Variants in FBN1 observed in about 807,000 individuals in gnomAD.
The protein encoded by FBN1 is fibrillin-1.
Under a neutral mutation model 365.1 loss-of-function variants are expected in FBN1, and 29 were observed. That is an observed-to-expected ratio of 0.08 (90% confidence interval 0.06 to 0.11). The LOEUF is 0.11. FBN1 is among the 10% of genes least tolerant of loss of function. The pLI is 1.00. For synonymous variants in FBN1, 1,210 were observed against 1,270.5 expected, an observed-to-expected ratio of 0.95 and a Z score of 1.01; for missense variants, 2,476 against 3,703.2, an observed-to-expected ratio of 0.67 and a Z score of 8.60.
chr15:48,542,792 T>TGC (rs1261828627), intron 6 of FBN1, among the ~76,000 whole-genome samples: 1 of 51,300 alleles, frequency 1.9e-5, no homozygotes, highest in Non-Finnish European at 1.1e-4. Context: ...TGTGTGTGTG[T>TGC]GTGTGTGTGT....
intron 25 of FBN1, 128 bp downstream of exon 25, chr15:48,489,723 G>C: frequency 1.3e-5 from 10 of 781,114 alleles, no homozygotes; most frequent in Non-Finnish European, 2.2e-5. Flanking sequence ...TCTAAACAAA[G>C]ATAATTATAT....
rs1890254326 is a variant in FBN1, at chr15:48,644,504, G to A, written c.164+102C>T. On this transcript the variant is annotated intron_variant, in intron 2 of 65. Transcript: ENST00000316623. ...TAGCACCTCTAAGGTGCCCCCAGGA[G>A]GTCTTGCCAAGGAGTCTTCCACAGG... The A allele has an allele frequency of 3.2e-6, 5 of 1,544,984 alleles. No homozygotes were observed. In the Admixed American group the frequency reaches 8.4e-5, roughly 26 times the overall value.
intron 7 of FBN1, 27 bp from the exon 8 acceptor site, chr15:48,534,232 A>G (rs762115475): frequency 2.0e-5 from 30 of 1,500,704 alleles, no homozygotes; most frequent in African/African-American, 2.9e-5. Context: ...GACAGAGAGA[A>G]AAAAAAAAAA....
At chr15:48,425,633 T>C in intron 59 of FBN1, 106 bp downstream of exon 59, 1 of 1,540,924 alleles carries the variant, frequency 6.5e-7, no homozygotes. Context: ...GTCCTGTGCT[T>C]TCCTATGAAA....
intron 45 of FBN1, among the ~76,000 whole-genome samples, chr15:48,449,124 T>C (rs559358364): frequency 6.6e-6 from 1 of 152,266 alleles, no homozygotes; most frequent in East Asian, 1.9e-4. Flanking sequence ...AATCAAAAAA[T>C]ATTCTGAAAG....
rs371991064 is a variant in FBN1, at chr15:48,612,771, G to C, written c.247+239C>G. ...AGTAATTAGATAGTCTGTGTAGCCA[G>C]GCACAACATATGTAAATGACACAAC... On this transcript the variant is annotated intron_variant, in intron 3 of 65. Coordinates refer to ENST00000316623, the MANE Select transcript of FBN1 (RefSeq NM_000138.5). Among the ~76,000 whole-genome samples the C allele has an allele frequency of 4.6e-5, 7 of 152,230 alleles. No homozygotes were observed. The South Asian group carries it at 1.5e-3, about 32-fold the overall frequency.
At chr15:48,537,058 T>G (rs2044019180) in intron 7 of FBN1, among the ~76,000 whole-genome samples, 1 of 152,122 alleles carries the variant, frequency 6.6e-6, no homozygotes, top group Non-Finnish European at 1.5e-5. Flanking sequence ...GAGTAAGGGC[T>G]TCTACGGGAG....
chr15:48,534,521 C>T (rs1160827273), intron 7 of FBN1, among the ~76,000 whole-genome samples: 3 of 152,222 alleles, frequency 2.0e-5, no homozygotes, highest in South Asian at 2.1e-4. Context: ...TATAAAGATA[C>T]GTTTAAAAGG....
intron 4 of FBN1, among the ~76,000 whole-genome samples, chr15:48,608,510 C>T (rs928140900): frequency 1.3e-5 from 2 of 152,160 alleles, no homozygotes; most frequent in Non-Finnish European, 2.9e-5. Context: ...CCCAGCTATC[C>T]TTAATTTAAA....
At chr15:48,471,355 C>T (rs2043375522) in intron 35 of FBN1, among the ~76,000 whole-genome samples, 1 of 152,114 alleles carries the variant, frequency 6.6e-6, no homozygotes, top group Non-Finnish European at 1.5e-5. Flanking sequence ...GCCATGACCA[C>T]TCCACCAGCC....
intron 60 of FBN1, among the ~76,000 whole-genome samples, chr15:48,424,369 C>T (rs983510532): frequency 1.3e-5 from 2 of 152,188 alleles, no homozygotes; most frequent in Non-Finnish European, 2.9e-5. Context: ...CAACTTCTCT[C>T]TGCTCTCCAC....
chr15:48,553,077 A>G (rs2044155254), intron 6 of FBN1, among the ~76,000 whole-genome samples: 1 of 152,212 alleles, frequency 6.6e-6, no homozygotes, highest in African/African-American at 2.4e-5. Context: ...CATTACCATC[A>G]TAAGATTACT....
intron 2 of FBN1, among the ~76,000 whole-genome samples, chr15:48,627,133 A>T (rs1889900042): frequency 6.6e-6 from 1 of 152,220 alleles, no homozygotes; most frequent in Non-Finnish European, 1.5e-5. Flanking sequence ...TACTCCAAAG[A>T]GAATGTATTC....
chr15:48,498,416 C>T (rs1307456992), intron 18 of FBN1, among the ~76,000 whole-genome samples: 1 of 152,152 alleles, frequency 6.6e-6, no homozygotes, highest in African/African-American at 2.4e-5. Flanking sequence ...ATAATCCCTT[C>T]CTCTTTCTTG....
At chr15:48,451,683 T>C (rs1350266448) in intron 45 of FBN1, among the ~76,000 whole-genome samples, 1 of 152,088 alleles carries the variant, frequency 6.6e-6, no homozygotes, top group Non-Finnish European at 1.5e-5. Flanking sequence ...GTGAGCAAAA[T>C]AACACATTCT....
At chr15:48,579,198 A>G (rs181238657) in intron 6 of FBN1, among the ~76,000 whole-genome samples, 1 of 152,258 alleles carries the variant, frequency 6.6e-6, no homozygotes, top group Admixed American at 6.5e-5. Context: ...CTTGTATGTC[A>G]TAACAAATAT....
chr15:48,558,168 CATTTCATGTATTTCTCTG>C (rs1418305694), intron 6 of FBN1, among the ~76,000 whole-genome samples: 1 of 152,210 alleles, frequency 6.6e-6, no homozygotes, highest in Admixed American at 6.5e-5. Flanking sequence ...TCCTACAACA[CATTTCATGTATTTCTCTG>C]CACACACCTT....
chr15:48,494,863 A>G (rs1406847652), intron 22 of FBN1, among the ~76,000 whole-genome samples: 1 of 152,232 alleles, frequency 6.6e-6, no homozygotes, highest in Non-Finnish European at 1.5e-5. Flanking sequence ...CAAGGTTCCC[A>G]AGAGAGCTGG....
At position 48,437,041 on chromosome 15, in the gene FBN1, T is replaced by C. The variant is rs794728248; in HGVS notation, c.6416A>G (p.His2139Arg). 22 of 1,613,452 alleles carry C rather than the reference T, an allele frequency of 1.4e-5. No homozygotes were observed. The highest frequency in any genetic ancestry group is 1.7e-4 in the Middle Eastern group (1 of 6,056). The change falls in exon 53 of 66, where the codon CAT becomes CGT. Residue 2139 changes from histidine to arginine, a missense_variant. His to Arg is a conservative substitution (Grantham distance 29). Around this residue, in one of 5 missense-constraint regions of FBN1, gnomAD observed 1,780 missense variants for 2,840.8 expected, o/e 0.63. Transcript: ENST00000316623. The part of the protein sequence containing the change: ...DECKEPDVCK[H>R]GQCINTDGSY... Reference sequence around the variant, plus strand: ...ACCATCTGTATTGATGCACTGTCCATGTTTACAGACATCGGGTTCTTTGCA... The same window carrying C: ...ACCATCTGTATTGATGCACTGTCCACGTTTACAGACATCGGGTTCTTTGCA...
Sources: allele counts gnomAD v4.1 joint callset (sites outside exome capture counted in the v4.1 genomes callset), GRCh38; gene constraint gnomAD v4.1.1; regional missense constraint gnomAD v4.1.1; transcripts MANE v1.5; gene names NCBI Gene and HGNC (gene_info 2026-07-23, HGNC 2026-07-21).